NEBL: variants seen among roughly 807,000 people sequenced by gnomAD.
The protein encoded by NEBL is LIM and SH3 protein 2.
A neutral mutation model predicts 140.2 loss-of-function variants in NEBL; 122 were observed. The observed-to-expected ratio is 0.87, with a 90% CI of 0.75 to 1.01. The LOEUF is 1.01. Among genes scored for constraint, NEBL ranks in the 50% least tolerant of loss-of-function variants. NEBL has a pLI of 0.00. For missense variants in NEBL, 1,365 were observed against 1,231.3 expected, an observed-to-expected ratio of 1.11 and a Z score of -1.62; for synonymous variants, 436 against 398.9, an observed-to-expected ratio of 1.09 and a Z score of -1.11.
intron 2 of NEBL, among the ~76,000 whole-genome samples, chr10:21,109,455 AT>A (rs1837871405): frequency 6.6e-6 from 1 of 151,994 alleles, no homozygotes; most frequent in Non-Finnish European, 1.5e-5. Flanking sequence ...CTGGCCTGAA[AT>A]TTTCTTTTTT....
At chr10:21,041,035 G>A (rs902042085) in intron 2 of NEBL, among the ~76,000 whole-genome samples, 6 of 152,126 alleles carry the variant, frequency 3.9e-5, no homozygotes, top group Non-Finnish European at 8.8e-5. Context: ...GTTCCTTATA[G>A]CAATGTAAAG....
At position 20,812,823 on chromosome 10, in the gene NEBL, T is replaced by TA; in HGVS notation, c.2463dup (p.Lys822Ter). ...TCCACGATGTGAGGGTGGACCCCTT[T>TA]ATAGGCAGCATCGCTGACCACCTGG... On this transcript the variant is annotated frameshift_variant, in exon 24 of 28. Coordinates refer to ENST00000377122, the MANE Select transcript of NEBL (RefSeq NM_006393.3). LOFTEE classifies it high-confidence loss of function. The TA allele has an allele frequency of 6.2e-7, 1 of 1,614,012 alleles. No individual in the cohort carries two copies. Among genetic ancestry groups the TA allele is most frequent in the East Asian group, 2.2e-5 (1 of 44,834 alleles).
At position 20,952,706 on chromosome 10, in the gene NEBL, G is replaced by A. The variant is rs531372475; in HGVS notation, c.357+8966C>T. On this transcript the variant is annotated intron_variant, in intron 4 of 6. Coordinates refer to the NEBL transcript ENST00000417816. ...GATCACTTGAGGACAGGAATTTGAG[G>A]CCAGCCTGGTCAATATGGCGAAACC... Among the ~76,000 whole-genome samples, 6 of 150,862 alleles carry A rather than the reference G, an allele frequency of 4.0e-5. No homozygotes were observed. In the East Asian group the frequency reaches 9.9e-4, roughly 25 times the overall value.
At chr10:20,944,308 G>A (rs1458930825) in intron 4 of NEBL, among the ~76,000 whole-genome samples, 2 of 152,118 alleles carry the variant, frequency 1.3e-5, no homozygotes, top group African/African-American at 2.4e-5. Flanking sequence ...GCTGAAGCAG[G>A]AGAATCACGT....
chr10:20,990,300 G>A (rs1837409973), intron 3 of NEBL, among the ~76,000 whole-genome samples: 1 of 152,168 alleles, frequency 6.6e-6, no homozygotes, highest in African/African-American at 2.4e-5. Flanking sequence ...AGCTATGTTT[G>A]TGTCCTCCCC....
chr10:20,890,266 T>C (rs2131372140), intron 2 of NEBL, among the ~76,000 whole-genome samples: 1 of 152,290 alleles, frequency 6.6e-6, no homozygotes, highest in South Asian at 2.1e-4. Context: ...GCCATCTCGC[T>C]CCTACAAGTG....
intron 2 of NEBL, chr10:21,126,036 T>G: frequency 6.2e-7 from 1 of 1,614,218 alleles, no homozygotes; most frequent in Non-Finnish European, 8.5e-7. Context: ...TGGCAAGCGT[T>G]GGCCAGCTTT....
At chr10:20,822,318 T>C (rs1361713120) in intron 19 of NEBL, among the ~76,000 whole-genome samples, 1 of 152,038 alleles carries the variant, frequency 6.6e-6, no homozygotes, top group Non-Finnish European at 1.5e-5. Flanking sequence ...TTGTTTTGTT[T>C]TGTAGACTAA....
intron 1 of NEBL, among the ~76,000 whole-genome samples, chr10:21,256,018 T>C (rs568924052): frequency 1.3e-5 from 2 of 151,954 alleles, no homozygotes; most frequent in South Asian, 2.1e-4. Flanking sequence ...AGGATTCATC[T>C]CCAGCCTTCT....
intron 3 of NEBL, among the ~76,000 whole-genome samples, chr10:21,202,466 T>C (rs921138831): frequency 9.0e-5 from 13 of 144,574 alleles, no homozygotes; most frequent in South Asian, 4.4e-4. Flanking sequence ...TTTTTCTTTT[T>C]TTTTTTTTTT....
intron 2 of NEBL, among the ~76,000 whole-genome samples, chr10:21,076,444 C>CAAAAAAAAA (rs56013237): frequency 1.4e-4 from 7 of 50,070 alleles, no homozygotes; most frequent in Non-Finnish European, 2.0e-4. Context: ...GACTCAGTTT[C>CAAAAAAAAA]AAAAAAAAAA....
intron 4 of NEBL, among the ~76,000 whole-genome samples, chr10:20,910,772 T>C (rs896474336): frequency 1.3e-5 from 2 of 152,104 alleles, no homozygotes; most frequent in Admixed American, 6.6e-5. Context: ...GAAAACCTCA[T>C]CTATTAACAA....
chr10:21,149,110 T>C (rs1262997010), intron 2 of NEBL, among the ~76,000 whole-genome samples: 2 of 152,144 alleles, frequency 1.3e-5, no homozygotes, highest in African/African-American at 2.4e-5. Flanking sequence ...CATTTCTCCA[T>C]GGGTGTCCAC....
intron 25 of NEBL, among the ~76,000 whole-genome samples, chr10:20,809,489 A>G (rs1837919701): frequency 6.6e-6 from 1 of 152,222 alleles, no homozygotes; most frequent in Non-Finnish European, 1.5e-5. Context: ...GTATTTCATG[A>G]AACAAACCTC....
intron 2 of NEBL, among the ~76,000 whole-genome samples, chr10:21,031,899 C>A (rs1006493659): frequency 7.2e-5 from 11 of 152,178 alleles, no homozygotes; most frequent in South Asian, 4.1e-4. Flanking sequence ...ATAAAAGATT[C>A]TGTCTGTTAG....
chr10:20,844,350 C>T (rs986450502), intron 12 of NEBL, among the ~76,000 whole-genome samples: 6 of 150,512 alleles, frequency 4.0e-5, no homozygotes, highest in East Asian at 1.9e-4. Flanking sequence ...ATATACATTC[C>T]GTTTATATAT....
intron 12 of NEBL, among the ~76,000 whole-genome samples, chr10:20,842,279 A>G (rs1460898760): frequency 6.6e-6 from 1 of 152,114 alleles, no homozygotes; most frequent in Non-Finnish European, 1.5e-5. Flanking sequence ...TCTTTCATTT[A>G]TTTCGTGGTG....
intron 21 of NEBL, 134 bp from the exon 22 acceptor site, chr10:20,815,851 C>T (rs1838675389): frequency 1.4e-6 from 1 of 705,750 alleles, no homozygotes; most frequent in Admixed American, 2.0e-5. Context: ...TCACCACAGC[C>T]TCGATCTCCC....
At chr10:20,958,817 C>A (rs778189110) in intron 4 of NEBL, among the ~76,000 whole-genome samples, 1 of 152,030 alleles carries the variant, frequency 6.6e-6, no homozygotes, top group Non-Finnish European at 1.5e-5. Flanking sequence ...TTACAGCTAC[C>A]CAGAAAAGGC....
Sources: gnomAD v4.1 joint callset for allele counts (sites outside exome capture counted in the v4.1 genomes callset) on GRCh38, gnomAD v4.1.1 for gene constraint, MANE v1.5 for transcripts, NCBI Gene and HGNC (gene_info 2026-07-23, HGNC 2026-07-21) for gene names.